CDH24: variants seen among roughly 807,000 people sequenced by gnomAD.
CDH24 encodes cadherin 24.
Under a neutral mutation model 71.2 loss-of-function variants are expected in CDH24, and 61 were observed. That is an observed-to-expected ratio of 0.86 (90% CI 0.70 to 1.06). CDH24 has a LOEUF of 1.06. CDH24 is among the 50% of genes least tolerant of loss of function. The pLI, the probability that CDH24 is intolerant of heterozygous loss-of-function variation, is 0.00. For synonymous variants in CDH24, 440 were observed against 470.2 expected (o/e 0.94, Z 0.83); for missense variants, 961 against 1,083.7 (o/e 0.89, Z 1.59).
At position 23,054,391 on chromosome 14, in the gene CDH24, G is replaced by A. The variant is rs2047109110; in HGVS notation, c.785-63C>T. ...TCCCCAGCCCTCCTCCCTCCCCACAGCACTTTATTCTCCCAGGATCTGGCT... is the reference window on the plus strand; with the variant it reads ...TCCCCAGCCCTCCTCCCTCCCCACAACACTTTATTCTCCCAGGATCTGGCT... On this transcript the variant is annotated intron_variant, in intron 5 of 12. Coordinates refer to ENST00000487137, the MANE Select transcript of CDH24 (RefSeq NM_144985.4). The surrounding 1 kb of genome is among the most constrained non-coding windows in gnomAD (Gnocchi z 5.2). 2 of 1,546,912 alleles carry A rather than the reference G, an allele frequency of 1.3e-6. No individual in the cohort carries two copies. Among genetic ancestry groups the A allele is most frequent in the South Asian group, 2.5e-5 (2 of 80,794 alleles).
At chr14:23,053,387 T>G in intron 7 of CDH24, 109 bp downstream of exon 7, 4 of 1,276,732 alleles carry the variant, frequency 3.1e-6, no homozygotes, top group Non-Finnish European at 4.2e-6. Context: ...GAGGGAGGCT[T>G]TTGCTGGGAT....
In CDH24 at chr14:23,047,077, A is replaced by G. The variant is rs1282060233; in HGVS notation, c.*817T>C. ...AAGCAGGGCTCCAGCTTTACAAAAT[A>G]AAGTGTTTGTTTATTATGAAATTAG... On this transcript the variant is annotated 3_prime_UTR_variant, in exon 13 of 13. Transcript: ENST00000487137. The G allele has an allele frequency of 6.6e-6, 1 of 152,204 alleles. No homozygotes were observed. Among genetic ancestry groups the G allele is most frequent in the Non-Finnish European group, 1.5e-5 (1 of 68,036 alleles). The allele number at this position is 152,204 out of a possible 1,614,324, so 9.4% of individuals were successfully genotyped here. A position where few individuals can be genotyped will look rare whatever the true frequency, so the allele number is the denominator to read the frequency against.
At position 23,047,866 on chromosome 14, in the gene CDH24, G is replaced by A. The variant is rs774279733; in HGVS notation, c.*114C>T. The A allele has an allele frequency of 1.0e-5, 7 of 677,132 alleles. No individual in the cohort carries two copies. Among genetic ancestry groups the A allele is most frequent in the Non-Finnish European group, 1.5e-5 (7 of 479,084 alleles). The allele number at this position is 677,132 out of a possible 1,614,324, so 41.9% of individuals were successfully genotyped here. A position where few individuals can be genotyped will look rare whatever the true frequency, so the allele number is the denominator to read the frequency against. On this transcript the variant is annotated 3_prime_UTR_variant, in exon 12 of 13. Coordinates refer to ENST00000487137, the MANE Select transcript of CDH24 (RefSeq NM_144985.4). ...GAAGCAAGGAGGGACACAAGGACAG[G>A]GAGGAGGCCTGGGGCCCCTGGGCTG...
chr14:23,054,724 G>C lies in CDH24; in HGVS notation c.616+23C>G. 6.2e-7 allele frequency: 1 copy of C among 1,614,014 alleles called. No homozygotes were observed. The highest frequency in any genetic ancestry group is 1.7e-5 in the Admixed American group (1 of 60,012). On this transcript the variant is annotated intron_variant, in intron 4 of 12. Transcript: ENST00000487137. The surrounding 1 kb of genome is among the most constrained non-coding windows in gnomAD (Gnocchi z 5.2). Reference sequence around the variant, plus strand: ...TGTCTGTCCCCTTGGCTGCCCCACCGGGCTCCCAGGCTCCATCCTCACCAG... The same window carrying C: ...TGTCTGTCCCCTTGGCTGCCCCACCCGGCTCCCAGGCTCCATCCTCACCAG...
Position 23,049,698 on chromosome 14 carries a change from C to G in CDH24, c.1526G>C (p.Gly509Ala). The G allele has an allele frequency of 6.2e-7, 1 of 1,612,082 alleles. No homozygotes were observed. The highest frequency in any genetic ancestry group is 1.3e-5 in the African/African-American group (1 of 74,996). Residue 509 changes from glycine (G) to alanine (A), a missense_variant, in exon 10 of 13, where the codon GGC becomes GCC. Physicochemically the swap from Gly to Ala is moderately conservative, Grantham distance 60. Coordinates refer to ENST00000487137, the MANE Select transcript of CDH24 (RefSeq NM_144985.4). Reference protein sequence around the residue: ...VIRALDRDEVGNSSHVSFQGP... With the variant: ...VIRALDRDEVANSSHVSFQGP... ...TTGAAAGGAGACATGGCTACTGTTG[C>G]CAACTTCATCTCTGTCCAGGGCCCG...
At position 23,054,669 on chromosome 14, in the gene CDH24, C is replaced by G; in HGVS notation, c.621G>C (p.Val207=). 1 of 1,614,028 alleles carries G rather than the reference C, an allele frequency of 6.2e-7. No homozygotes were observed. Among genetic ancestry groups the G allele is most frequent in the Non-Finnish European group, 8.5e-7 (1 of 1,179,948 alleles). The part of the protein sequence containing the change: ...PFFSVDPQTG[V]VRTAIPNMDR... ...CCATGTTGGGGATGGCTGTACGCAC[C>G]ACTCCTAGGGAGAGATGCTGGTCAG... The change falls in exon 5 of 13, where the codon GTG becomes GTC. Residue 207 remains valine (V), a synonymous_variant. Transcript: ENST00000487137. This position sits in a 1 kb window ranked among gnomAD's most constrained non-coding sequence, Gnocchi z 5.2.
rs1395128913 is a variant in CDH24 at position 23,051,454 on chromosome 14, G to A, written c.1363+1019C>T. 2.0e-5 allele frequency among the ~76,000 whole-genome samples: 3 copies of A among 152,166 alleles called. No homozygotes were observed. Among genetic ancestry groups the A allele is most frequent in the Non-Finnish European group, 4.4e-5 (3 of 68,030 alleles). On this transcript the variant is annotated intron_variant, in intron 8 of 12. Transcript: ENST00000487137. The surrounding 1 kb of genome is among the most constrained non-coding windows in gnomAD (Gnocchi z 4.4). ...ATGAATAGTGCCTGATAAACAATAA[G>A]TAATAAATTATCTGTCCACAAATAC...
rs369160830 is a variant in CDH24, at chr14:23,054,240, G to A, written c.873C>T (p.Asn291=). ...CCAGGATGCTGTATGCCATCAGGGC[G>A]TTGTCCCCCAGGTCTGGGTCCTGGG... ...LRAQDPDLGD[N]ALMAYSILDG... is the part of the protein sequence containing the mutation. The change falls in exon 6 of 13, where the codon AAC becomes AAT. Residue 291 remains asparagine, a synonymous_variant. Coordinates refer to ENST00000487137, the MANE Select transcript of CDH24 (RefSeq NM_144985.4). This position sits in a 1 kb window ranked among gnomAD's most constrained non-coding sequence, Gnocchi z 5.2. 154 of 1,613,634 alleles carry A rather than the reference G, an allele frequency of 9.5e-5. No individual in the cohort carries two copies. The highest frequency in any genetic ancestry group is 1.3e-4 in the Non-Finnish European group (149 of 1,179,938).
intron 7 of CDH24, 115 bp downstream of exon 7, chr14:23,053,381 G>A: frequency 8.0e-7 from 1 of 1,253,256 alleles, no homozygotes. Context: ...TGCAGGGAGG[G>A]AGGCTTTTGC....
chr14:23,049,039 C>T lies in CDH24; in HGVS notation c.1834G>A (p.Gly612Ser). 1 of 1,612,354 alleles carries T rather than the reference C, an allele frequency of 6.2e-7. No individual in the cohort carries two copies. Among genetic ancestry groups the T allele is most frequent in the Non-Finnish European group, 8.5e-7 (1 of 1,179,762 alleles). The change falls in exon 11 of 13, where the codon GGT (glycine) becomes AGT (serine). Residue 612 changes from glycine to serine, a missense_variant. Physicochemically the swap from Gly to Ser is moderately conservative, Grantham distance 56 (BLOSUM62 0). Transcript: ENST00000487137. Reference protein sequence around the residue: ...GALLAIITCVGALLALVVLFV... With the variant: ...GALLAIITCVSALLALVVLFV... ...TGGCCTGACTCACCAAGCAGGGCACCCACACAGGTGATGATGGCAAGCAGG... is the reference window on the plus strand; with the variant it reads ...TGGCCTGACTCACCAAGCAGGGCACTCACACAGGTGATGATGGCAAGCAGG...
chr14:23,049,225 C>T lies in CDH24; in HGVS notation c.1648G>A (p.Ala550Thr). The stretch of plus-strand genomic sequence containing the variant: ...AGTTCTATGGGAACCAAGTAGGGGG[C>T]ATGGCGGGGTGGAGCAGGGCGGGAG... Reference protein sequence around the residue: ...LPSRPAPPRHAPYLVPIELWD... With the variant: ...LPSRPAPPRHTPYLVPIELWD... Residue 550 changes from alanine (A) to threonine (T), a missense_variant, in exon 11 of 13, where the codon GCC becomes ACC. By Grantham distance (58) the Ala-to-Thr change is moderately conservative. Around this residue, in one of 2 missense-constraint regions of CDH24, gnomAD observed 671 missense variants for 810.9 expected, o/e 0.83. Transcript: ENST00000487137. The T allele has an allele frequency of 6.4e-7, 1 of 1,574,284 alleles. No individual in the cohort carries two copies. Among genetic ancestry groups the T allele is most frequent in the Non-Finnish European group, 8.6e-7 (1 of 1,159,180 alleles).
At position 23,047,996 on chromosome 14, in the gene CDH24, T is replaced by C. The variant is rs2139938102; in HGVS notation, c.2330A>G (p.Glu777Gly). 7.3e-7 allele frequency: 1 copy of C among 1,373,200 alleles called. No individual in the cohort carries two copies. The highest frequency in any genetic ancestry group is 1.6e-5 in the South Asian group (1 of 62,958). The allele number at this position is 1,373,200 out of a possible 1,614,324, so 85.1% of individuals were successfully genotyped here. A position where few individuals can be genotyped will look rare whatever the true frequency, so the allele number is the denominator to read the frequency against. The change falls in exon 12 of 13, where the codon GAG (glutamate) becomes GGG (glycine). Residue 777 changes from glutamate (E) to glycine (G), a missense_variant. Physicochemically the swap from Glu to Gly is moderately conservative, Grantham distance 98. Coordinates refer to ENST00000487137, the MANE Select transcript of CDH24 (RefSeq NM_144985.4). The part of the protein sequence containing the change: ...RTLAELYGAK[E>G]PPAP Reference sequence around the variant, plus strand: ...CCCGGGCGCTCAGGGGGCCGGGGGCTCCTTGGCCCCATACAGCTCGGCCAG... The same window carrying C: ...CCCGGGCGCTCAGGGGGCCGGGGGCCCCTTGGCCCCATACAGCTCGGCCAG...
rs200281983 is a variant in CDH24 at position 23,055,648 on chromosome 14, G to A, written c.86C>T (p.Ala29Val). ...GRLAAPARAWAGSREHPGPAL... is the reference protein window; with the variant it reads ...GRLAAPARAWVGSREHPGPAL... ...AGGCCCTGGGTGTTCCCGGGACCCTGCCCAGGCCCGGGCTGGGGCTGCCAG... is the reference window on the plus strand; with the variant it reads ...AGGCCCTGGGTGTTCCCGGGACCCTACCCAGGCCCGGGCTGGGGCTGCCAG... Residue 29 changes from alanine to valine, a missense_variant, in exon 2 of 13, where the codon GCA becomes GTA. Transcript: ENST00000487137. The surrounding 1 kb of genome is among the most constrained non-coding windows in gnomAD (Gnocchi z 4.1). The A allele has an allele frequency of 2.5e-6, 4 of 1,611,318 alleles. No individual in the cohort carries two copies. The South Asian group carries it at 4.4e-5, about 18-fold the overall frequency.
chr14:23,052,133 G>A, intron 8 of CDH24: 1 of 1,015,482 alleles, frequency 9.8e-7, no homozygotes, highest in Non-Finnish European at 1.5e-6. Context: ...CAGGTTGGGG[G>A]CTATGTAAGG....
At position 23,054,928 on chromosome 14, in the gene CDH24, T is replaced by G. The variant is rs1315517358; in HGVS notation, c.497-62A>C. On this transcript the variant is annotated intron_variant, in intron 3 of 12. Transcript: ENST00000487137. This position sits in a 1 kb window ranked among gnomAD's most constrained non-coding sequence, Gnocchi z 5.2. ...GGGAAGGATGGGGAAGAACAACCGATGGGGGGGGATGCAGATACGAGGGAG... is the reference window on the plus strand; with the variant it reads ...GGGAAGGATGGGGAAGAACAACCGAGGGGGGGGGATGCAGATACGAGGGAG... 4.6e-5 allele frequency: 73 copies of G among 1,576,216 alleles called. No individual in the cohort carries two copies. Among genetic ancestry groups the G allele is most frequent in the African/African-American group, 1.5e-4 (11 of 72,798 alleles).
rs1341915236 is a variant in CDH24 at position 23,054,564 on chromosome 14, G to A, written c.726C>T (p.Ser242=). Residue 242 remains serine (S), a synonymous_variant, in exon 5 of 13, where the codon AGC becomes AGT. Coordinates refer to ENST00000487137, the MANE Select transcript of CDH24 (RefSeq NM_144985.4). This position sits in a 1 kb window ranked among gnomAD's most constrained non-coding sequence, Gnocchi z 5.2. ...CGCTGAGCGTGACAGTCACCGTAGT[G>A]CTGCCTGACAGCCCCCCCATGTGGC... ...MGGHMGGLSG[S]TTVTVTLSDV... 2.5e-6 allele frequency: 4 copies of A among 1,614,044 alleles called. No individual in the cohort carries two copies. In the South Asian group the frequency reaches 4.4e-5, roughly 18 times the overall value.
rs373384849 is a variant in CDH24, at chr14:23,054,465, G to T, written c.784+41C>A. ...TTTCTCCAGACACTGTAGGGGTGGG[G>T]TGATCAAAGGATGGCTCAGGTGGCA... On this transcript the variant is annotated intron_variant, in intron 5 of 12. Transcript: ENST00000487137. This position sits in a 1 kb window ranked among gnomAD's most constrained non-coding sequence, Gnocchi z 5.2. 2 of 1,594,580 alleles carry T rather than the reference G, an allele frequency of 1.3e-6. No homozygotes were observed. Among genetic ancestry groups the T allele is most frequent in the African/African-American group, 2.7e-5 (2 of 74,812 alleles).
chr14:23,052,007 C>T (rs1310223423), intron 8 of CDH24: 32 of 1,589,276 alleles, frequency 2.0e-5, no homozygotes, highest in Non-Finnish European at 2.7e-5. Context: ...CAGGGCTTCT[C>T]TGGGGTGGGG....
Position 23,047,987 on chromosome 14 carries a change from G to C in CDH24, c.2339C>G (p.Ala780Gly), listed in dbSNP as rs533579709. 8 of 1,362,602 alleles carry C rather than the reference G, an allele frequency of 5.9e-6. No homozygotes were observed. The highest frequency in any genetic ancestry group is 1.7e-5 in the South Asian group (1 of 60,272). The allele number at this position is 1,362,602 out of a possible 1,614,324, so 84.4% of individuals were successfully genotyped here. Residue 780 changes from alanine (A) to glycine (G), a missense_variant, in exon 12 of 13, where the codon GCC (alanine) becomes GGC (glycine). By Grantham distance (60) the Ala-to-Gly change is moderately conservative (BLOSUM62 0). Around this residue, in one of 2 missense-constraint regions of CDH24, gnomAD observed 290 missense variants for 272.8 expected, o/e 1.06. Coordinates refer to ENST00000487137, the MANE Select transcript of CDH24 (RefSeq NM_144985.4). The part of the protein sequence containing the change: ...AELYGAKEPP[A>G]P ...CCGGGCCAGCCCGGGCGCTCAGGGGGCCGGGGGCTCCTTGGCCCCATACAG... is the reference window on the plus strand; with the variant it reads ...CCGGGCCAGCCCGGGCGCTCAGGGGCCCGGGGGCTCCTTGGCCCCATACAG...
Sources: allele counts gnomAD v4.1 joint callset (sites outside exome capture counted in the v4.1 genomes callset), GRCh38; gene constraint gnomAD v4.1.1; regional missense constraint gnomAD v4.1.1; non-coding constraint Gnocchi (gnomAD v3.1); transcripts MANE v1.5; gene names NCBI Gene and HGNC (gene_info 2026-07-23, HGNC 2026-07-21).